SDK1: variants seen among roughly 807,000 people sequenced by gnomAD.
SDK1 encodes the protein protein sidekick-1.
A neutral mutation model predicts 245.5 loss-of-function variants in SDK1; 157 were observed. The observed-to-expected ratio is 0.64, with a 90% CI of 0.56 to 0.73. The LOEUF (loss-of-function observed/expected upper bound fraction) is 0.73. Ranked by LOEUF, SDK1 falls within the 30% of genes least tolerant of loss-of-function variation. The probability of loss-of-function intolerance (pLI) is 0.00; values close to 1 mark genes in which losing one functional copy is unlikely to be tolerated. For synonymous variants in SDK1, 1,647 were observed against 1,278.5 expected (o/e 1.29, Z -6.15); for missense variants, 3,583 against 3,002.3 (o/e 1.19, Z -4.52).
At chr7:3,481,246 A>T (rs182446240) in intron 1 of SDK1, among the ~76,000 whole-genome samples, 1 of 152,218 alleles carries the variant, frequency 6.6e-6, no homozygotes, top group East Asian at 1.9e-4. Flanking sequence ...TGAGAAAACT[A>T]AGACACAGAG....
In SDK1 at chr7:3,890,338, G is replaced by A. The variant is rs115698698; in HGVS notation, c.848-60585G>A. Among the ~76,000 whole-genome samples the A allele has an allele frequency of 7.7e-3, 1,166 of 152,314 alleles. 16 individuals are homozygous for A. Among genetic ancestry groups the A allele is most frequent in the African/African-American group, 0.026 (1,087 of 41,578 alleles). On this transcript the variant is annotated intron_variant, in intron 5 of 44. Transcript: ENST00000404826. Reference sequence around the variant, plus strand: ...ATGTGTGAAATACACAGCAGATTGCGAAGACTTTGTGCCGGGAAAAATGTC... The same window carrying A: ...ATGTGTGAAATACACAGCAGATTGCAAAGACTTTGTGCCGGGAAAAATGTC...
At chr7:3,527,326 G>T (rs1214459022) in intron 1 of SDK1, among the ~76,000 whole-genome samples, 1 of 152,176 alleles carries the variant, frequency 6.6e-6, no homozygotes, top group African/African-American at 2.4e-5. Flanking sequence ...GCAGAGTGTT[G>T]AGTACTGTGA....
At chr7:3,575,979 C>G (rs1486893870) in intron 1 of SDK1, among the ~76,000 whole-genome samples, 2 of 151,970 alleles carry the variant, frequency 1.3e-5, no homozygotes, top group Non-Finnish European at 2.9e-5. Context: ...ATTGAATGGG[C>G]TTTCTGCTCT....
intron 5 of SDK1, among the ~76,000 whole-genome samples, chr7:3,871,964 T>A (rs993439848): frequency 2.0e-5 from 3 of 152,244 alleles, no homozygotes; most frequent in Non-Finnish European, 2.9e-5. Flanking sequence ...CCATATTTGG[T>A]TAAGGAAGTT....
rs140408915 is a variant in SDK1 at position 3,770,493 on chromosome 7, A to G, written c.714-50957A>G. Among the ~76,000 whole-genome samples, 273 of 152,302 alleles carry G rather than the reference A, an allele frequency of 1.8e-3. 1 individual carries two copies. Among genetic ancestry groups the G allele is most frequent in the African/African-American group, 6.4e-3 (264 of 41,550 alleles). ...GAGTATAGTTGCTGCGTTGTGTGGT[A>G]GCTATATGTTTAGTTTCCTAAGAAA... On this transcript the variant is annotated intron_variant, in intron 4 of 44. Transcript: ENST00000404826.
intron 1 of SDK1, among the ~76,000 whole-genome samples, chr7:3,614,476 C>T (rs915682183): frequency 7.2e-5 from 11 of 152,188 alleles, no homozygotes; most frequent in African/African-American, 1.7e-4. Flanking sequence ...TATAACTTTA[C>T]CTTAGAGGCA....
At chr7:3,519,067 T>C (rs201895713) in intron 1 of SDK1, among the ~76,000 whole-genome samples, 5 of 152,218 alleles carry the variant, frequency 3.3e-5, no homozygotes, top group African/African-American at 9.6e-5. Context: ...ACACCACATA[T>C]GTTCTCATAT....
chr7:3,724,491 T>C (rs1359181091), intron 4 of SDK1, among the ~76,000 whole-genome samples: 1 of 152,210 alleles, frequency 6.6e-6, no homozygotes, highest in Non-Finnish European at 1.5e-5. Flanking sequence ...TTGTTTGATG[T>C]AGGCTAAAAG....
chr7:3,668,478 A>C (rs978311328), intron 4 of SDK1, among the ~76,000 whole-genome samples: 3 of 152,176 alleles, frequency 2.0e-5, no homozygotes, highest in African/African-American at 7.2e-5. Context: ...TGTCACATAA[A>C]AACTATATTG....
intron 1 of SDK1, among the ~76,000 whole-genome samples, chr7:3,313,804 T>C (rs184496805): frequency 2.0e-5 from 3 of 152,340 alleles, no homozygotes; most frequent in East Asian, 3.9e-4. Context: ...AAAAGTAAAT[T>C]TTAAGTATTC....
chr7:3,664,455 G>A (rs1485451513), intron 4 of SDK1, among the ~76,000 whole-genome samples: 1 of 152,052 alleles, frequency 6.6e-6, no homozygotes, highest in Non-Finnish European at 1.5e-5. Context: ...TTGAGAACTA[G>A]CATCCGGGCA....
chr7:4,200,897 A>G (rs1239465229), intron 35 of SDK1, among the ~76,000 whole-genome samples: 1 of 152,220 alleles, frequency 6.6e-6, no homozygotes, highest in African/African-American at 2.4e-5. Context: ...TTTTATTGGA[A>G]CATTGCCATG....
intron 1 of SDK1, among the ~76,000 whole-genome samples, chr7:3,605,024 G>A (rs1012463248): frequency 1.3e-5 from 2 of 151,724 alleles, no homozygotes; most frequent in Non-Finnish European, 2.9e-5. Context: ...TAATACTATG[G>A]CCAGAGGATA....
chr7:4,261,475 T>C (rs918684139), intron 44 of SDK1, among the ~76,000 whole-genome samples: 2 of 151,882 alleles, frequency 1.3e-5, no homozygotes, highest in African/African-American at 4.8e-5. Context: ...GAGTGTTTAC[T>C]TCTGAAAGAG....
intron 4 of SDK1, among the ~76,000 whole-genome samples, chr7:3,690,348 G>C (rs1784409358): frequency 6.6e-6 from 1 of 151,938 alleles, no homozygotes. Context: ...TTTCCTGGAG[G>C]GTCATGAGAA....
chr7:4,013,604 T>G (rs1258151312), intron 16 of SDK1, among the ~76,000 whole-genome samples: 1 of 152,226 alleles, frequency 6.6e-6, no homozygotes, highest in African/African-American at 2.4e-5. Flanking sequence ...TGTATATATG[T>G]GTATAGCCAT....
At chr7:3,545,854 T>C (rs1779209256) in intron 1 of SDK1, among the ~76,000 whole-genome samples, 1 of 152,238 alleles carries the variant, frequency 6.6e-6, no homozygotes, top group African/African-American at 2.4e-5. Flanking sequence ...AGTAAACTCA[T>C]ACCTAAAATA....
chr7:3,302,021 GC>G, intron 1 of SDK1, 137 bp downstream of exon 1: 1 of 574,000 alleles, frequency 1.7e-6, no homozygotes, highest in African/African-American at 2.0e-5. Flanking sequence ...GCTCTAGGGA[GC>G]CCAGGGGCTC....
chr7:3,459,411 C>T (rs1022889858), intron 1 of SDK1, among the ~76,000 whole-genome samples: 4 of 152,154 alleles, frequency 2.6e-5, no homozygotes, highest in Non-Finnish European at 5.9e-5. Context: ...TGTTGACAGG[C>T]AGTCGATATA....
Sources: gnomAD v4.1 joint callset for allele counts (sites outside exome capture counted in the v4.1 genomes callset) on GRCh38, gnomAD v4.1.1 for gene constraint, MANE v1.5 for transcripts, NCBI Gene and HGNC (gene_info 2026-07-23, HGNC 2026-07-21) for gene names.